The following EYA4 variants were observed in gnomAD, a reference collection of about 807,000 sequenced individuals.
EYA4 encodes protein phosphatase EYA4.
In EYA4, 31 loss-of-function variants were observed where a neutral mutation model predicts 87.9. The ratio of observed to expected loss-of-function variants is 0.35; its 90% CI spans 0.27 to 0.48. EYA4 has a LOEUF of 0.48. Among genes scored for constraint, EYA4 ranks in the 20% least tolerant of loss-of-function variants. The probability of loss-of-function intolerance (pLI) is 0.99; values close to 1 mark genes in which losing one functional copy is unlikely to be tolerated. For synonymous variants in EYA4, 263 were observed against 270.6 expected (o/e 0.97, Z 0.28); for missense variants, 678 against 761.4 (o/e 0.89, Z 1.29).
intron 1 of EYA4, chr6:133,247,993 G>A (rs980595591): frequency 6.6e-6 from 1 of 152,080 alleles, no homozygotes; most frequent in African/African-American, 2.4e-5. Context: ...TCAGCAGAAA[G>A]GTGTGTCTAC....
intron 1 of EYA4, among the ~76,000 whole-genome samples, chr6:133,265,004 C>T (rs1776101261): frequency 5.9e-5 from 9 of 152,080 alleles, no homozygotes; most frequent in Admixed American, 5.9e-4. Context: ...CCTTAAGGGA[C>T]CTTACAGTCT....
chr6:133,375,509 GTATGTAATAGGAAAGGACA>G lies in EYA4; in HGVS notation c.34-6865_34-6847del, dbSNP rs1046242835. Among the ~76,000 whole-genome samples, 19 of 151,718 alleles carry G rather than the reference GTATGTAATAGGAAAGGACA, an allele frequency of 1.3e-4. 1 individual carries two copies. The Middle Eastern group carries it at 0.01, about 82-fold the overall frequency. On this transcript the variant is annotated intron_variant, in intron 2 of 19. Coordinates refer to ENST00000355286, the MANE Select transcript of EYA4 (RefSeq NM_004100.5). ...TTATGTTCCTTCATACATTCCTGAG[GTATGTAATAGGAAAGGACA>G]TATGTAATAGGAAAGGATATATTTT...
intron 2 of EYA4, among the ~76,000 whole-genome samples, chr6:133,275,945 T>G (rs2128271637): frequency 6.6e-6 from 1 of 152,334 alleles, no homozygotes; most frequent in South Asian, 2.1e-4. Context: ...ATTGTGTGAC[T>G]TCTTTAGTAA....
intron 11 of EYA4, among the ~76,000 whole-genome samples, chr6:133,479,271 T>C (rs991930878): frequency 1.3e-5 from 2 of 152,182 alleles, no homozygotes. Context: ...AAACATGATT[T>C]ACTATGAGAC....
At chr6:133,465,648 T>G (rs1268659745) in intron 10 of EYA4, among the ~76,000 whole-genome samples, 4 of 152,086 alleles carry the variant, frequency 2.6e-5, no homozygotes, top group Non-Finnish European at 1.5e-5. Context: ...TCGAAGTAGT[T>G]GAGATTGAAG....
intron 1 of EYA4, among the ~76,000 whole-genome samples, chr6:133,257,867 G>T (rs1329565803): frequency 6.6e-6 from 1 of 151,374 alleles, no homozygotes; most frequent in Non-Finnish European, 1.5e-5. Context: ...ATTCATTCAT[G>T]CATGCATTTA....
At chr6:133,336,178 T>C (rs1308907344) in intron 2 of EYA4, among the ~76,000 whole-genome samples, 2 of 152,158 alleles carry the variant, frequency 1.3e-5, no homozygotes, top group Non-Finnish European at 2.9e-5. Context: ...GCTAAAATTG[T>C]TAGAGGAATG....
chr6:133,529,013 C>CAACA lies in EYA4; in HGVS notation c.*209_*212dup. 7.3e-7 allele frequency: 1 copy of CAACA among 1,368,020 alleles called. No individual in the cohort carries two copies. Among genetic ancestry groups the CAACA allele is most frequent in the South Asian group, 1.5e-5 (1 of 66,458 alleles). 84.7% of individuals were successfully genotyped at this position (1,368,020 alleles called of 1,614,324 possible). ...AAGAAACTCTATGGTCTTATATTTA[C>CAACA]AACACTTTAATGGGTTTTTTAAAAA... is the stretch of plus-strand genomic sequence containing the variant. On this transcript the variant is annotated 3_prime_UTR_variant, in exon 20 of 20. Transcript: ENST00000355286.
intron 2 of EYA4, among the ~76,000 whole-genome samples, chr6:133,283,123 G>A (rs905985399): frequency 6.6e-6 from 1 of 151,884 alleles, no homozygotes; most frequent in Non-Finnish European, 1.5e-5. Context: ...GTGAAACCCT[G>A]TATCTACTAA....
At chr6:133,280,686 C>T (rs542931544) in intron 2 of EYA4, among the ~76,000 whole-genome samples, 2 of 152,218 alleles carry the variant, frequency 1.3e-5, no homozygotes, top group African/African-American at 2.4e-5. Flanking sequence ...TGAGCCACCG[C>T]GCCCGGCCAA....
chr6:133,364,874 G>A lies in EYA4; in HGVS notation c.34-17518G>A, dbSNP rs139929895. On this transcript the variant is annotated intron_variant, in intron 2 of 19. Coordinates refer to ENST00000355286, the MANE Select transcript of EYA4 (RefSeq NM_004100.5). ...CCTAATCTCCTCCTGGTTTGGACAC[G>A]TTAATAAGACAGTTGGGTCATTAAC... Among the ~76,000 whole-genome samples, 688 of 152,286 alleles carry A rather than the reference G, an allele frequency of 4.5e-3. 3 individuals are homozygous for A. The highest frequency in any genetic ancestry group is 0.017 in the Middle Eastern group (5 of 294).
chr6:133,322,512 A>G (rs1781169583), intron 2 of EYA4, among the ~76,000 whole-genome samples: 1 of 152,190 alleles, frequency 6.6e-6, no homozygotes, highest in African/African-American at 2.4e-5. Context: ...AAATGTGTGT[A>G]TGAGTAAATC....
chr6:133,294,743 A>G (rs928507822), intron 2 of EYA4, among the ~76,000 whole-genome samples: 30 of 151,114 alleles, frequency 2.0e-4, no homozygotes, highest in African/African-American at 6.1e-4. Context: ...AATTTTTGTT[A>G]TTTTATTTTA....
intron 17 of EYA4, among the ~76,000 whole-genome samples, chr6:133,521,889 C>A (rs1233281918): frequency 7.0e-6 from 1 of 141,992 alleles, no homozygotes; most frequent in Non-Finnish European, 1.5e-5. Context: ...ACTGCATATT[C>A]TCACTCATAG....
intron 3 of EYA4, among the ~76,000 whole-genome samples, chr6:133,404,962 T>C (rs1407792274): frequency 6.6e-6 from 1 of 152,190 alleles, no homozygotes; most frequent in African/African-American, 2.4e-5. Flanking sequence ...TGCTTACTCA[T>C]TCGTAGCTGC....
intron 3 of EYA4, among the ~76,000 whole-genome samples, chr6:133,418,510 T>C (rs1200312461): frequency 1.3e-5 from 2 of 152,240 alleles, no homozygotes; most frequent in African/African-American, 4.8e-5. Context: ...CTTTGACATT[T>C]AACATTTAAA....
chr6:133,465,974 T>A (rs916953432), intron 10 of EYA4, among the ~76,000 whole-genome samples: 1 of 152,272 alleles, frequency 6.6e-6, no homozygotes, highest in East Asian at 1.9e-4. Context: ...AATTGAGGTT[T>A]TTTTTGTAAC....
At chr6:133,296,494 G>A (rs950159440) in intron 2 of EYA4, among the ~76,000 whole-genome samples, 1 of 152,270 alleles carries the variant, frequency 6.6e-6, no homozygotes. Context: ...GGTTGTACTT[G>A]TGGAAGTAAT....
chr6:133,299,744 TAA>T (rs1274967652), intron 2 of EYA4, among the ~76,000 whole-genome samples: 1 of 148,560 alleles, frequency 6.7e-6, no homozygotes, highest in African/African-American at 2.5e-5. Flanking sequence ...TAAAATAAAA[TAA>T]AATAAAATAA....
Sources: gnomAD v4.1 joint callset for allele counts (sites outside exome capture counted in the v4.1 genomes callset) on GRCh38, gnomAD v4.1.1 for gene constraint, MANE v1.5 for transcripts, NCBI Gene and HGNC (gene_info 2026-07-23, HGNC 2026-07-21) for gene names.